Variants in ATP6V0A4 observed in about 807,000 individuals in gnomAD.
The protein encoded by ATP6V0A4 is V-type proton ATPase 116 kDa subunit a 4.
In ATP6V0A4, 86 loss-of-function variants were observed where a neutral mutation model predicts 107.3. The observed-to-expected ratio is 0.80, with a 90% CI of 0.67 to 0.96. The LOEUF is 0.96. ATP6V0A4 is among the 40% of genes least tolerant of loss of function. ATP6V0A4 has a pLI of 0.00. For synonymous variants in ATP6V0A4, 353 were observed against 381.4 expected (o/e 0.93, Z 0.87); for missense variants, 908 against 1,045.6 (o/e 0.87, Z 1.81).
chr7:138,763,356 G>A (rs544835296), intron 5 of ATP6V0A4, among the ~76,000 whole-genome samples: 29 of 152,280 alleles, frequency 1.9e-4, no homozygotes, highest in African/African-American at 6.7e-4. Flanking sequence ...GGCTGGGTGC[G>A]GTGGCTCATG....
intron 17 of ATP6V0A4, among the ~76,000 whole-genome samples, chr7:138,731,198 G>C (rs528857484): frequency 6.6e-6 from 1 of 152,314 alleles, no homozygotes; most frequent in East Asian, 1.9e-4. Context: ...GCCTCCCAAA[G>C]TGATGGGATT....
chr7:138,726,163 G>A (rs996146308), intron 18 of ATP6V0A4, among the ~76,000 whole-genome samples: 1 of 151,958 alleles, frequency 6.6e-6, no homozygotes, highest in Non-Finnish European at 1.5e-5. Flanking sequence ...CTAATTTTTT[G>A]TATTTTTAGT....
At chr7:138,761,799 C>T (rs2117313911) in intron 7 of ATP6V0A4, among the ~76,000 whole-genome samples, 1 of 152,256 alleles carries the variant, frequency 6.6e-6, no homozygotes, top group East Asian at 1.9e-4. Context: ...CCTGCCTCAA[C>T]TTCCTAAGTA....
In ATP6V0A4 at chr7:138,718,119, A is replaced by G. The variant is rs1283883735; in HGVS notation, c.2140-2238T>C. On this transcript the variant is annotated intron_variant, in intron 19 of 21. Transcript: ENST00000310018. Reference sequence around the variant, plus strand: ...ATGGGGGGCGGGGGTGCAGTCACGGATGTCTGCAGAGGGAGACGTCCAGGA... The same window carrying G: ...ATGGGGGGCGGGGGTGCAGTCACGGGTGTCTGCAGAGGGAGACGTCCAGGA... 4.4e-3 allele frequency among the ~76,000 whole-genome samples: 60 copies of G among 13,738 alleles called. 1 individual carries two copies. The highest frequency in any genetic ancestry group is 5.8e-3 in the South Asian group (3 of 514). 9.0% of individuals were successfully genotyped at this position (13,738 alleles called of 152,430 possible).
rs983966966 is a variant in ATP6V0A4 at position 138,773,847 on chromosome 7, G to C, written c.-17-2583C>G. ...CTTCCTCCAGGCGGGTCCTGGGTCA[G>C]GGTCTGGGGCAGACGGTGGTTTCCC... On this transcript the variant is annotated intron_variant, in intron 2 of 21. Transcript: ENST00000310018. This position sits in a 1 kb window ranked among gnomAD's most constrained non-coding sequence, Gnocchi z 5.4. 2 of 152,432 alleles carry C rather than the reference G, an allele frequency of 1.3e-5. No homozygotes were observed. Among genetic ancestry groups the C allele is most frequent in the Non-Finnish European group, 2.9e-5 (2 of 68,210 alleles). The allele number at this position is 152,432 out of a possible 1,614,324, so 9.4% of individuals were successfully genotyped here. A position where few individuals can be genotyped will look rare whatever the true frequency, so the allele number is the denominator to read the frequency against.
At chr7:138,763,355 C>T (rs561671626) in intron 5 of ATP6V0A4, among the ~76,000 whole-genome samples, 2 of 152,128 alleles carry the variant, frequency 1.3e-5, no homozygotes, top group Non-Finnish European at 2.9e-5. Context: ...AGGCTGGGTG[C>T]GGTGGCTCAT....
At chr7:138,760,173 G>A (rs1028432802) in intron 7 of ATP6V0A4, among the ~76,000 whole-genome samples, 2 of 152,094 alleles carry the variant, frequency 1.3e-5, no homozygotes, top group Non-Finnish European at 1.5e-5. Context: ...GCCAGGCGCC[G>A]TGGCTCACAC....
chr7:138,707,146 A>T (rs1183158347), intron 21 of ATP6V0A4, among the ~76,000 whole-genome samples: 40 of 88,632 alleles, frequency 4.5e-4, no homozygotes, highest in Middle Eastern at 4.7e-3. Context: ...ATCAATATTA[A>T]TATATTAATA....
Position 138,762,923 on chromosome 7 carries a change from T to G in ATP6V0A4, c.394A>C (p.Lys132Gln), listed in dbSNP as rs1308241730. ...ACCTCAAAGAAGTCTTGGGTTTTCTTCAGGAGGTATTTCAGTTCTGTCAGT... is the reference window on the plus strand; with the variant it reads ...ACCTCAAAGAAGTCTTGGGTTTTCTGCAGGAGGTATTTCAGTTCTGTCAGT... ...LELTELKYLL[K>Q]KTQDFFETET... is the part of the protein sequence containing the mutation. The change falls in exon 6 of 22, where the codon AAG becomes CAG. Residue 132 changes from lysine to glutamine, a missense_variant. Physicochemically the swap from Lys to Gln is moderately conservative, Grantham distance 53. Coordinates refer to ENST00000310018, the MANE Select transcript of ATP6V0A4 (RefSeq NM_020632.3). 1 of 1,614,164 alleles carries G rather than the reference T, an allele frequency of 6.2e-7. No individual in the cohort carries two copies. The highest frequency in any genetic ancestry group is 1.7e-5 in the Admixed American group (1 of 60,004).
chr7:138,733,133 C>T (rs1437502037), intron 16 of ATP6V0A4, 40 bp from the exon 17 acceptor site: 1 of 1,612,312 alleles, frequency 6.2e-7, no homozygotes, highest in Admixed American at 1.7e-5. Context: ...GATAGAACAT[C>T]AAGGGAACGT....
In ATP6V0A4 at chr7:138,773,941, GAGC is replaced by G. The variant is rs1277536664; in HGVS notation, c.-17-2680_-17-2678del. The G allele has an allele frequency of 6.6e-6, 1 of 152,274 alleles. No individual in the cohort carries two copies. Among genetic ancestry groups the G allele is most frequent in the African/African-American group, 2.4e-5 (1 of 41,438 alleles). The allele number at this position is 152,274 out of a possible 1,614,324, so 9.4% of individuals were successfully genotyped here. A position where few individuals can be genotyped will look rare whatever the true frequency, so the allele number is the denominator to read the frequency against. ...CCGTGCTTGCTAGCAGTCCTGGGCG[GAGC>G]AGCAGCCAGTGAATCCGCAGGTGGC... On this transcript the variant is annotated intron_variant, in intron 2 of 21. Transcript: ENST00000310018. The surrounding 1 kb of genome is among the most constrained non-coding windows in gnomAD (Gnocchi z 5.4).
At chr7:138,741,750 T>C (rs1805645356) in intron 14 of ATP6V0A4, among the ~76,000 whole-genome samples, 1 of 152,206 alleles carries the variant, frequency 6.6e-6, no homozygotes, top group South Asian at 2.1e-4. Context: ...GTTGAGTCAA[T>C]ACGCCCAACT....
intron 15 of ATP6V0A4, among the ~76,000 whole-genome samples, chr7:138,739,181 G>C (rs1805490156): frequency 6.6e-6 from 1 of 152,160 alleles, no homozygotes; most frequent in Non-Finnish European, 1.5e-5. Context: ...CCCACTGCAA[G>C]AAAATACAAA....
intron 11 of ATP6V0A4, among the ~76,000 whole-genome samples, chr7:138,751,355 C>T (rs970382686): frequency 6.6e-6 from 1 of 152,174 alleles, no homozygotes; most frequent in African/African-American, 2.4e-5. Flanking sequence ...CTCCCCTGGG[C>T]TCTGAAGACG....
intron 5 of ATP6V0A4, 163 bp from the exon 6 acceptor site, chr7:138,763,188 C>CACACACAG (rs1246669044): frequency 5.1e-6 from 1 of 197,750 alleles, no homozygotes; most frequent in Non-Finnish European, 8.3e-6. Context: ...CACACACAGA[C>CACACACAG]ACACACACAC....
At chr7:138,787,368 G>A (rs945426592) in intron 1 of ATP6V0A4, among the ~76,000 whole-genome samples, 3 of 151,982 alleles carry the variant, frequency 2.0e-5, no homozygotes, top group South Asian at 2.1e-4. Context: ...AAGTCGCATC[G>A]ACACCAAGGT....
Position 138,784,270 on chromosome 7 carries a change from A to ATATATATACG in ATP6V0A4, c.-18+1887_-18+1888insCGTATATATA, listed in dbSNP as rs1563020974. On this transcript the variant is annotated intron_variant, in intron 2 of 21. Transcript: ENST00000310018. ...TATATATACATATATATATATACAT[A>ATATATATACG]TATATATATACATATATATACACAC... Among the ~76,000 whole-genome samples the ATATATATACG allele has an allele frequency of 2.1e-3, 71 of 33,364 alleles. 1 individual carries two copies. The highest frequency in any genetic ancestry group is 6.6e-3 in the African/African-American group (66 of 9,982). The allele number at this position is 33,364 out of a possible 152,430, so 21.9% of individuals were successfully genotyped here.
At chr7:138,719,979 C>T (rs553567110) in intron 19 of ATP6V0A4, among the ~76,000 whole-genome samples, 16 of 151,646 alleles carry the variant, frequency 1.1e-4, no homozygotes, top group African/African-American at 3.6e-4. Flanking sequence ...GAGCTGAGAT[C>T]GCACCATTGC....
intron 1 of ATP6V0A4, among the ~76,000 whole-genome samples, chr7:138,792,277 G>A (rs1808454292): frequency 6.6e-6 from 1 of 152,196 alleles, no homozygotes. Flanking sequence ...CTGCACTCCA[G>A]CCTGGGCGAG....
Sources: allele counts gnomAD v4.1 joint callset (sites outside exome capture counted in the v4.1 genomes callset), GRCh38; gene constraint gnomAD v4.1.1; non-coding constraint Gnocchi (gnomAD v3.1); transcripts MANE v1.5; gene names NCBI Gene and HGNC (gene_info 2026-07-23, HGNC 2026-07-21).